The following AGBL4 variants were observed in gnomAD, a reference collection of about 807,000 sequenced individuals.
AGBL4 encodes the protein cytosolic carboxypeptidase 6.
Under a neutral mutation model 66.4 loss-of-function variants are expected in AGBL4, and 58 were observed. The ratio of observed to expected loss-of-function variants is 0.87; its 90% confidence interval spans 0.71 to 1.09. The LOEUF is 1.09. Among genes scored for constraint, AGBL4 ranks in the 50% least tolerant of loss-of-function variants. The pLI is 0.00. For synonymous variants in AGBL4, 234 were observed against 222.9 expected, an observed-to-expected ratio of 1.05 and a Z score of -0.44; for missense variants, 579 against 631.0, an observed-to-expected ratio of 0.92 and a Z score of 0.88.
At chr1:49,139,567 G>C in intron 4 of AGBL4, among the ~76,000 whole-genome samples, 1 of 152,016 alleles carries the variant, frequency 6.6e-6, no homozygotes, top group East Asian at 1.9e-4. Context: ...ATCCAATCAG[G>C]ACCTTTTCAG....
intron 2 of AGBL4, among the ~76,000 whole-genome samples, chr1:49,754,089 C>T (rs1377981764): frequency 6.6e-6 from 1 of 152,028 alleles, no homozygotes; most frequent in Non-Finnish European, 1.5e-5. Context: ...TCAAACTTAC[C>T]CTCTGTACGG....
chr1:49,622,332 T>C (rs980679869), intron 3 of AGBL4, among the ~76,000 whole-genome samples: 3 of 151,862 alleles, frequency 2.0e-5, no homozygotes, highest in African/African-American at 4.8e-5. Flanking sequence ...GTTTGAAAAA[T>C]GGGAATAATA....
intron 2 of AGBL4, among the ~76,000 whole-genome samples, chr1:49,833,793 TTGTC>T (rs1645768076): frequency 6.6e-6 from 1 of 152,150 alleles, no homozygotes; most frequent in African/African-American, 2.4e-5. Context: ...GGCTCTCTGT[TTGTC>T]TGTTATTGGT....
At chr1:49,736,906 G>A (rs997976574) in intron 2 of AGBL4, among the ~76,000 whole-genome samples, 2 of 151,922 alleles carry the variant, frequency 1.3e-5, no homozygotes, top group Non-Finnish European at 2.9e-5. Context: ...ACCAACATAG[G>A]TAAAAATTAA....
intron 11 of AGBL4, among the ~76,000 whole-genome samples, chr1:48,571,153 T>A (rs1296835480): frequency 6.6e-6 from 1 of 152,226 alleles, no homozygotes; most frequent in East Asian, 1.9e-4. Context: ...TTACTTGTAT[T>A]CAACAGATAA....
chr1:49,922,840 C>T (rs147028342), intron 1 of AGBL4, among the ~76,000 whole-genome samples: 5 of 152,316 alleles, frequency 3.3e-5, no homozygotes, highest in African/African-American at 1.2e-4. Context: ...AAAAGCATTA[C>T]ATGCTCATGG....
intron 4 of AGBL4, among the ~76,000 whole-genome samples, chr1:49,200,780 C>T (rs1034212911): frequency 4.6e-5 from 7 of 152,138 alleles, no homozygotes; most frequent in Non-Finnish European, 8.8e-5. Flanking sequence ...ACTCCCTGAA[C>T]CCAGCCTTTT....
intron 3 of AGBL4, among the ~76,000 whole-genome samples, chr1:49,473,396 G>A (rs1468807187): frequency 6.6e-6 from 1 of 152,028 alleles, no homozygotes; most frequent in African/African-American, 2.4e-5. Context: ...GATGATTAGT[G>A]AGGTTGAGCA....
intron 12 of AGBL4, among the ~76,000 whole-genome samples, chr1:48,539,387 G>T (rs544722042): frequency 6.6e-6 from 1 of 152,274 alleles, no homozygotes; most frequent in South Asian, 2.1e-4. Flanking sequence ...TCCCCAGCAA[G>T]CCCCATCCCT....
intron 3 of AGBL4, among the ~76,000 whole-genome samples, chr1:49,429,570 T>A (rs1645737995): frequency 6.6e-6 from 1 of 152,178 alleles, no homozygotes; most frequent in Non-Finnish European, 1.5e-5. Flanking sequence ...CAGGTTCTCA[T>A]CTTTTCTTCT....
At chr1:48,787,768 T>A (rs1645442914) in intron 6 of AGBL4, among the ~76,000 whole-genome samples, 1 of 152,142 alleles carries the variant, frequency 6.6e-6, no homozygotes, top group Non-Finnish European at 1.5e-5. Flanking sequence ...GGGCGAGGCA[T>A]TTTTTTGCTA....
chr1:49,531,207 C>G (rs923213849), intron 3 of AGBL4, among the ~76,000 whole-genome samples: 1 of 152,132 alleles, frequency 6.6e-6, no homozygotes, highest in Non-Finnish European at 1.5e-5. Context: ...TGTTCTTTCT[C>G]TGAGACCTAA....
At chr1:48,744,624 A>C (rs1236939670) in intron 6 of AGBL4, among the ~76,000 whole-genome samples, 1 of 152,190 alleles carries the variant, frequency 6.6e-6, no homozygotes, top group Non-Finnish European at 1.5e-5. Context: ...TGGACAACAG[A>C]ATGAATCCAG....
At chr1:49,209,455 C>A (rs1648495323) in intron 4 of AGBL4, among the ~76,000 whole-genome samples, 1 of 152,062 alleles carries the variant, frequency 6.6e-6, no homozygotes, top group Non-Finnish European at 1.5e-5. Context: ...ATCTTCCTCT[C>A]CCTCATTTTT....
chr1:49,762,863 T>C (rs1652444817), intron 2 of AGBL4, among the ~76,000 whole-genome samples: 1 of 152,218 alleles, frequency 6.6e-6, no homozygotes, highest in Non-Finnish European at 1.5e-5. Context: ...CTTCCCTCTC[T>C]GAGCAAGCTT....
intron 3 of AGBL4, among the ~76,000 whole-genome samples, chr1:49,498,599 GA>G (rs566565393): frequency 3.3e-5 from 5 of 151,320 alleles, no homozygotes; most frequent in South Asian, 2.1e-4. Flanking sequence ...CAGGCACAGG[GA>G]AAAAAAATAC....
intron 4 of AGBL4, among the ~76,000 whole-genome samples, chr1:49,238,899 A>G (rs2148315268): frequency 6.6e-6 from 1 of 152,292 alleles, no homozygotes; most frequent in South Asian, 2.1e-4. Context: ...GAACTCACAC[A>G]ATACCATTTC....
chr1:49,878,472 G>T (rs1031046951), intron 1 of AGBL4, among the ~76,000 whole-genome samples: 4 of 151,962 alleles, frequency 2.6e-5, no homozygotes, highest in African/African-American at 9.7e-5. Context: ...GAGCAGCTTT[G>T]AGTGAGATTC....
At chr1:49,822,306 T>C (rs1168950015) in intron 2 of AGBL4, among the ~76,000 whole-genome samples, 1 of 148,168 alleles carries the variant, frequency 6.7e-6, no homozygotes, top group African/African-American at 2.5e-5. Flanking sequence ...TTTTCTTCTT[T>C]CTTCGTGTGT....
Sources: allele counts gnomAD v4.1 joint callset (sites outside exome capture counted in the v4.1 genomes callset), GRCh38; gene constraint gnomAD v4.1.1; transcripts MANE v1.5; gene names NCBI Gene and HGNC (gene_info 2026-07-23, HGNC 2026-07-21).